OPCML: variants seen among roughly 807,000 people sequenced by gnomAD.
OPCML encodes opioid binding protein/cell adhesion molecule like, also known as opioid-binding protein/cell adhesion molecule.
A neutral mutation model predicts 37.8 loss-of-function variants in OPCML; 13 were observed. The ratio of observed to expected loss-of-function variants is 0.34; its 90% CI spans 0.22 to 0.55. The LOEUF is 0.55. Among genes scored for constraint, OPCML ranks in the 20% least tolerant of loss-of-function variants. OPCML has a pLI of 0.91. For synonymous variants in OPCML, 176 were observed against 168.8 expected (o/e 1.04, Z -0.33); for missense variants, 341 against 435.6 (o/e 0.78, Z 1.93).
intron 1 of OPCML, among the ~76,000 whole-genome samples, chr11:133,400,521 C>T (rs1945379462): frequency 6.6e-6 from 1 of 152,196 alleles, no homozygotes; most frequent in East Asian, 1.9e-4. Flanking sequence ...ACTCTAAAAA[C>T]AACGCTTTGC....
chr11:133,160,990 G>A (rs566985568), intron 1 of OPCML, among the ~76,000 whole-genome samples: 1 of 152,334 alleles, frequency 6.6e-6, no homozygotes, highest in African/African-American at 2.4e-5. Flanking sequence ...GGTACATGGA[G>A]CTGGATGGAA....
intron 3 of OPCML, among the ~76,000 whole-genome samples, chr11:132,606,317 C>G (rs1042366079): frequency 1.5e-4 from 23 of 152,262 alleles, no homozygotes; most frequent in African/African-American, 5.5e-4. Context: ...CCAGGAACTG[C>G]CTGCTGGGGA....
intron 7 of OPCML, among the ~76,000 whole-genome samples, chr11:132,424,976 G>T (rs896565246): frequency 6.6e-6 from 1 of 152,204 alleles, no homozygotes; most frequent in African/African-American, 2.4e-5. Context: ...GGCTGTGAGG[G>T]CTCTGGAGGA....
At chr11:133,083,888 G>C (rs1182807631) in intron 1 of OPCML, among the ~76,000 whole-genome samples, 1 of 152,174 alleles carries the variant, frequency 6.6e-6, no homozygotes, top group Non-Finnish European at 1.5e-5. Context: ...TTCTCTCTTT[G>C]AATTCTTACT....
chr11:132,876,107 G>A (rs1942999654), intron 2 of OPCML, among the ~76,000 whole-genome samples: 1 of 152,188 alleles, frequency 6.6e-6, no homozygotes, highest in South Asian at 2.1e-4. Flanking sequence ...TTGCCCTCAG[G>A]ATGCTCACTC....
chr11:133,135,681 C>T (rs546846977), intron 1 of OPCML, among the ~76,000 whole-genome samples: 2 of 152,158 alleles, frequency 1.3e-5, no homozygotes, highest in African/African-American at 2.4e-5. Context: ...AATACAGATG[C>T]GAAGACTGAG....
At chr11:133,006,291 A>C (rs1947110956) in intron 1 of OPCML, 1 of 509,148 alleles carries the variant, frequency 2.0e-6, no homozygotes, top group Non-Finnish European at 2.5e-6. Flanking sequence ...CTGGTGAGAG[A>C]GATTCCCTGT....
At chr11:133,486,005 G>A (rs1947518449) in intron 1 of OPCML, among the ~76,000 whole-genome samples, 1 of 152,136 alleles carries the variant, frequency 6.6e-6, no homozygotes, top group Non-Finnish European at 1.5e-5. Context: ...GCTATAATGT[G>A]CCTTACAGAG....
chr11:132,914,448 G>C lies in OPCML; in HGVS notation c.146+28478C>G, dbSNP rs2136554155. On this transcript the variant is annotated intron_variant, in intron 2 of 7. Transcript: ENST00000524381. ...ATGGACTCGTTTAGATTTACTACAT[G>C]TTACCCAATGTCTTGCTTCTGTATA... 2.6e-5 allele frequency among the ~76,000 whole-genome samples: 4 copies of C among 152,274 alleles called. 1 individual carries two copies. The highest frequency in any genetic ancestry group is 3.4e-3 in the Middle Eastern group (1 of 294).
intron 2 of OPCML, among the ~76,000 whole-genome samples, chr11:132,683,852 C>T (rs149995462): frequency 0.019 from 2,909 of 152,236 alleles, 39 homozygotes; most frequent in Non-Finnish European, 0.034. Context: ...GTTTTGCCCT[C>T]TGTGAAATGA....
chr11:132,746,096 G>T (rs148732860), intron 2 of OPCML, among the ~76,000 whole-genome samples: 22 of 141,842 alleles, frequency 1.6e-4, no homozygotes, highest in African/African-American at 2.3e-4. Flanking sequence ...CAAAGTTGTT[G>T]TTTTTTTTTT....
intron 3 of OPCML, among the ~76,000 whole-genome samples, chr11:132,574,826 G>A (rs1398003364): frequency 6.6e-6 from 1 of 151,890 alleles, no homozygotes; most frequent in African/African-American, 2.4e-5. Flanking sequence ...CTTCTGCCTA[G>A]AGTTCTGTCC....
chr11:132,830,958 A>G (rs1940648747), intron 2 of OPCML, among the ~76,000 whole-genome samples: 1 of 152,218 alleles, frequency 6.6e-6, no homozygotes, highest in Admixed American at 6.5e-5. Flanking sequence ...AATAGGATAT[A>G]TTTAGAATAT....
chr11:133,034,476 A>G (rs1947739177), intron 1 of OPCML, among the ~76,000 whole-genome samples: 1 of 152,178 alleles, frequency 6.6e-6, no homozygotes, highest in Non-Finnish European at 1.5e-5. Flanking sequence ...GTAAAGGTTT[A>G]TTCATATGGC....
intron 1 of OPCML, among the ~76,000 whole-genome samples, chr11:133,147,106 A>T (rs1011685217): frequency 6.6e-6 from 1 of 152,184 alleles, no homozygotes; most frequent in South Asian, 2.1e-4. Flanking sequence ...CCAATCCCTG[A>T]GTGTCAGGGG....
rs79071672 is a variant in OPCML at position 133,251,558 on chromosome 11, T to C, written c.61+280706A>G. Among the ~76,000 whole-genome samples, 969 of 150,994 alleles carry C rather than the reference T, an allele frequency of 6.4e-3. 7 individuals are homozygous for C. The highest frequency in any genetic ancestry group is 0.022 in the African/African-American group (920 of 41,246). On this transcript the variant is annotated intron_variant, in intron 1 of 7. Coordinates refer to ENST00000524381, the MANE Select transcript of OPCML (RefSeq NM_001012393.5). ...TACAAGAACCAGATCTAGTTTTTTG[T>C]TTGTTTGTGTTCTTTTTTTGGGGGG...
intron 2 of OPCML, among the ~76,000 whole-genome samples, chr11:132,917,709 C>T (rs2136567839): frequency 6.6e-6 from 1 of 152,328 alleles, no homozygotes; most frequent in African/African-American, 2.4e-5. Flanking sequence ...ACATGAAGGG[C>T]TCACTACTGT....
intron 1 of OPCML, among the ~76,000 whole-genome samples, chr11:133,132,252 C>G (rs1485575019): frequency 6.6e-6 from 1 of 152,168 alleles, no homozygotes; most frequent in Non-Finnish European, 1.5e-5. Flanking sequence ...AGAAGATACA[C>G]CACTGGATAA....
rs7930432 is a variant in OPCML at position 133,423,085 on chromosome 11, T to C, written c.61+109179A>G. 0.018 allele frequency: 17,359 copies of C among 985,284 alleles called. 1,532 individuals carry two copies. In the African/African-American group the frequency reaches 0.23, roughly 13 times the overall value. The allele number at this position is 985,284 out of a possible 1,614,324, so 61.0% of individuals were successfully genotyped here. A position where few individuals can be genotyped will look rare whatever the true frequency, so the allele number is the denominator to read the frequency against. ...ATTTCAACTTATGCTCTCGAACGTG[T>C]TCTCCAGAATTGAGAAATGGGCTTC... is the stretch of plus-strand genomic sequence containing the variant. On this transcript the variant is annotated intron_variant, in intron 1 of 7. Transcript: ENST00000524381.
Sources: gnomAD v4.1 joint callset for allele counts (sites outside exome capture counted in the v4.1 genomes callset) on GRCh38, gnomAD v4.1.1 for gene constraint, MANE v1.5 for transcripts, NCBI Gene and HGNC (gene_info 2026-07-23, HGNC 2026-07-21) for gene names.